The following RNF180 variants were observed in gnomAD, a reference collection of about 807,000 sequenced individuals.
RNF180 encodes the protein ring finger protein 180.
RNF180 carries 38 observed loss-of-function variants against 59.2 expected under a neutral mutation model. The ratio of observed to expected loss-of-function variants is 0.64; its 90% confidence interval spans 0.50 to 0.84. The LOEUF is 0.84. Among genes scored for constraint, RNF180 ranks in the 40% least tolerant of loss-of-function variants. The pLI is 0.00. For missense variants in RNF180, 705 were observed against 700.9 expected (o/e 1.01, Z -0.07); for synonymous variants, 262 against 240.3 (o/e 1.09, Z -0.84).
chr5:64,364,967 A>G (rs1422479699), intron 7 of RNF180, among the ~76,000 whole-genome samples: 1 of 149,804 alleles, frequency 6.7e-6, no homozygotes, highest in Non-Finnish European at 1.5e-5. Flanking sequence ...TTTATTATTT[A>G]CTAGTCTAGC....
chr5:64,166,720 A>C (rs945451805), intron 1 of RNF180, among the ~76,000 whole-genome samples: 1 of 152,164 alleles, frequency 6.6e-6, no homozygotes, highest in Non-Finnish European at 1.5e-5. Flanking sequence ...TCGGGTTACT[A>C]TTATCCCATT....
intron 5 of RNF180, among the ~76,000 whole-genome samples, chr5:64,231,786 C>A (rs1439749096): frequency 1.3e-5 from 2 of 152,098 alleles, no homozygotes; most frequent in African/African-American, 4.8e-5. Context: ...TAGGTGAATG[C>A]GTTTATTATT....
intron 5 of RNF180, among the ~76,000 whole-genome samples, chr5:64,264,754 G>T (rs762137411): frequency 3.9e-5 from 6 of 152,136 alleles, no homozygotes; most frequent in African/African-American, 7.2e-5. Context: ...CCAATAATGG[G>T]ATTGCTGGGT....
intron 3 of RNF180, among the ~76,000 whole-genome samples, chr5:64,213,101 AG>A (rs1449606559): frequency 2.1e-4 from 32 of 152,358 alleles, no homozygotes; most frequent in East Asian, 1.5e-3. Context: ...GTAAAAAGCC[AG>A]GAAGAGCTTT....
At chr5:64,241,965 A>G (rs1188068489) in intron 5 of RNF180, among the ~76,000 whole-genome samples, 1 of 152,180 alleles carries the variant, frequency 6.6e-6, no homozygotes, top group Non-Finnish European at 1.5e-5. Flanking sequence ...CAGATCCTCT[A>G]AAACCACCCT....
chr5:64,338,634 CAAA>C (rs201803022), intron 7 of RNF180, among the ~76,000 whole-genome samples: 5 of 102,600 alleles, frequency 4.9e-5, no homozygotes, highest in Admixed American at 1.0e-4. Flanking sequence ...GACTCCATCT[CAAA>C]AAAAAAAAAA....
intron 5 of RNF180, among the ~76,000 whole-genome samples, chr5:64,230,847 A>G (rs1165966031): frequency 6.6e-6 from 1 of 152,244 alleles, no homozygotes; most frequent in Admixed American, 6.5e-5. Flanking sequence ...GAATTTCCAC[A>G]TTATTCACTT....
At position 64,175,875 on chromosome 5, in the gene RNF180, G is replaced by A. The variant is rs79637910; in HGVS notation, c.-1+9922G>A. Among the ~76,000 whole-genome samples the A allele has an allele frequency of 3.2e-3, 480 of 152,214 alleles. 3 individuals are homozygous for A. Among genetic ancestry groups the A allele is most frequent in the African/African-American group, 0.011 (466 of 41,550 alleles). ...AATTTTTTGTAGTTATTGCAAATGA[G>A]ATTGCATTCTTGGTTTCTTTTTCAG... On this transcript the variant is annotated intron_variant, in intron 1 of 7. Transcript: ENST00000389100.
At chr5:64,365,385 A>G (rs1746407749) in intron 7 of RNF180, among the ~76,000 whole-genome samples, 1 of 151,578 alleles carries the variant, frequency 6.6e-6, no homozygotes, top group Non-Finnish European at 1.5e-5. Context: ...TTTTGATTTC[A>G]GTTTTAATTT....
chr5:64,192,122 GCAAA>G (rs961343637), intron 1 of RNF180, among the ~76,000 whole-genome samples: 3 of 151,646 alleles, frequency 2.0e-5, no homozygotes, highest in African/African-American at 7.3e-5. Context: ...TTTTGAGATA[GCAAA>G]CAAACAAAAC....
chr5:64,344,367 A>T (rs906866227), intron 7 of RNF180, among the ~76,000 whole-genome samples: 2 of 151,794 alleles, frequency 1.3e-5, no homozygotes, highest in Non-Finnish European at 3.0e-5. Context: ...CATGGCAATA[A>T]AAGAGGCAAT....
At chr5:64,305,089 T>C (rs1743358068) in intron 5 of RNF180, among the ~76,000 whole-genome samples, 3 of 151,720 alleles carry the variant, frequency 2.0e-5, no homozygotes, top group Non-Finnish European at 3.0e-5. Flanking sequence ...ACAAAGCTAT[T>C]ACACACTTAA....
At chr5:64,248,193 C>T (rs758306615) in intron 5 of RNF180, among the ~76,000 whole-genome samples, 39 of 152,084 alleles carry the variant, frequency 2.6e-4, no homozygotes, top group Non-Finnish European at 4.6e-4. Context: ...AGGACATAGG[C>T]GTGGGCAAAG....
At chr5:64,356,073 T>C (rs1218304817) in intron 7 of RNF180, among the ~76,000 whole-genome samples, 1 of 151,394 alleles carries the variant, frequency 6.6e-6, no homozygotes, top group African/African-American at 2.4e-5. Context: ...CTGGGCAACA[T>C]AACAAGACCC....
At position 64,233,514 on chromosome 5, in the gene RNF180, C is replaced by G. The variant is rs144073241; in HGVS notation, c.1227+16118C>G. On this transcript the variant is annotated intron_variant, in intron 5 of 7. Coordinates refer to ENST00000389100, the MANE Select transcript of RNF180 (RefSeq NM_001113561.2). Reference sequence around the variant, plus strand: ...AAAAGGGATGGCTTTTGCTTATGGACTATATACGTACATTCTTTCCTAATT... The same window carrying G: ...AAAAGGGATGGCTTTTGCTTATGGAGTATATACGTACATTCTTTCCTAATT... Among the ~76,000 whole-genome samples, 71 of 152,264 alleles carry G rather than the reference C, an allele frequency of 4.7e-4. No individual in the cohort carries two copies. In the East Asian group the frequency reaches 0.013, roughly 27 times the overall value.
chr5:64,253,947 G>A (rs893011589), intron 5 of RNF180, among the ~76,000 whole-genome samples: 3 of 152,062 alleles, frequency 2.0e-5, no homozygotes, highest in Non-Finnish European at 4.4e-5. Context: ...TTTATTAAAA[G>A]TGAACTTATT....
chr5:64,252,228 A>G (rs893912907), intron 5 of RNF180, among the ~76,000 whole-genome samples: 1 of 152,190 alleles, frequency 6.6e-6, no homozygotes, highest in African/African-American at 2.4e-5. Flanking sequence ...AAATCCATGC[A>G]TGTACAGCCA....
At chr5:64,261,614 CACTG>C (rs549978026) in intron 5 of RNF180, among the ~76,000 whole-genome samples, 101 of 152,234 alleles carry the variant, frequency 6.6e-4, no homozygotes, top group African/African-American at 2.2e-3. Flanking sequence ...ACAGTGAACT[CACTG>C]ACCCTCTCCC....
chr5:64,196,595 C>T (rs1371876522), intron 1 of RNF180, among the ~76,000 whole-genome samples: 1 of 151,978 alleles, frequency 6.6e-6, no homozygotes, highest in East Asian at 1.9e-4. Flanking sequence ...AGTAATCTTA[C>T]TTGGTCAAAA....
Sources: gnomAD v4.1 joint callset for allele counts (sites outside exome capture counted in the v4.1 genomes callset) on GRCh38, gnomAD v4.1.1 for gene constraint, MANE v1.5 for transcripts, NCBI Gene and HGNC (gene_info 2026-07-23, HGNC 2026-07-21) for gene names.